Variants in NEAT1 observed in about 807,000 individuals in gnomAD.
The protein encoded by NEAT1 is MENepsilon/beta.
At chr11:65,431,158 T>G (rs985587848) in exon 1 of NEAT1, 2 of 152,232 alleles carry the variant, frequency 1.3e-5, no homozygotes, top group Admixed American at 6.5e-5. Flanking sequence ...TGTGACTGGC[T>G]TATTTCTCTG....
At chr11:65,441,592 T>A (rs1349691135) in exon 1 of NEAT1, 1 of 152,170 alleles carries the variant, frequency 6.6e-6, no homozygotes, top group African/African-American at 2.4e-5. Context: ...AGAGTAGCAT[T>A]TTATATTTTG....
exon 1 of NEAT1, chr11:65,437,852 C>T (rs1321674973): frequency 3.3e-5 from 5 of 152,136 alleles, no homozygotes; most frequent in African/African-American, 4.8e-5. Context: ...GATACTGTCA[C>T]GCCGACAGTG....
At chr11:65,434,749 G>C (rs1361496889) in exon 1 of NEAT1, 2 of 152,186 alleles carry the variant, frequency 1.3e-5, no homozygotes, top group Admixed American at 6.5e-5. Flanking sequence ...TTGCCCTCCA[G>C]AGTGGGTGTC....
At chr11:65,444,169 G>A (rs1856741855) in exon 1 of NEAT1, 1 of 282,814 alleles carries the variant, frequency 3.5e-6, no homozygotes, top group South Asian at 3.0e-5. Flanking sequence ...AAGTGGGGGA[G>A]GGGGCAAAGG....
chr11:65,427,882 G>A (rs1438995246), exon 1 of NEAT1: 1 of 152,216 alleles, frequency 6.6e-6, no homozygotes, highest in East Asian at 1.9e-4. Context: ...CAACTGGCAT[G>A]CTGAAGAAGA....
exon 1 of NEAT1, chr11:65,444,772 A>G (rs1590677414): frequency 6.8e-6 from 2 of 293,214 alleles, no homozygotes; most frequent in South Asian, 5.8e-5. Flanking sequence ...GACAGGAGAA[A>G]GGCTGGTGGG....
At chr11:65,437,195 G>GTATATATATATATATGTATATATA (rs1171212520) in exon 1 of NEAT1, 13 of 129,038 alleles carry the variant, frequency 1.0e-4, no homozygotes, top group African/African-American at 3.9e-4. Flanking sequence ...ATATATATAT[G>GTATATATATATATATGTATATATA]TATATATATA....
chr11:65,427,232 G>A (rs1199826734), exon 1 of NEAT1: 1 of 152,466 alleles, frequency 6.6e-6, no homozygotes, highest in East Asian at 1.9e-4. Flanking sequence ...TTGCTTACAG[G>A]AGACAAACTT....
At chr11:65,437,770 C>T (rs1159789917) in exon 1 of NEAT1, 3 of 152,032 alleles carry the variant, frequency 2.0e-5, no homozygotes, top group East Asian at 3.9e-4. Flanking sequence ...CCTAGCCGAC[C>T]CCACCCCATC....
At position 65,437,481 on chromosome 11, in the gene NEAT1, T is replaced by G. The variant is rs375471486; in HGVS notation, n.14684T>G. Reference sequence around the variant, plus strand: ...CAGCTATTAACTATTGATCTGTCTATTCACGTGCCAGTTCCTAATGGTTTT... The same window carrying G: ...CAGCTATTAACTATTGATCTGTCTAGTCACGTGCCAGTTCCTAATGGTTTT... On this transcript the variant is annotated non_coding_transcript_exon_variant, in exon 1 of 1. Coordinates refer to ENST00000501122, the Ensembl canonical transcript of NEAT1. 3.0e-4 allele frequency: 45 copies of G among 152,194 alleles called. 1 individual carries two copies. The East Asian group carries it at 7.5e-3, about 25-fold the overall frequency. 9.4% of individuals were successfully genotyped at this position (152,194 alleles called of 1,614,324 possible).
At chr11:65,434,151 A>T in exon 1 of NEAT1, 1 of 151,984 alleles carries the variant, frequency 6.6e-6, no homozygotes, top group East Asian at 1.9e-4. Context: ...ACTATACCTC[A>T]GTTAGTTTAT....
exon 1 of NEAT1, chr11:65,429,533 T>TC (rs1357781843): frequency 6.6e-6 from 1 of 151,842 alleles, no homozygotes; most frequent in Non-Finnish European, 1.5e-5. Context: ...ATTTTCTAAT[T>TC]CCTAGTCATT....
chr11:65,426,292 C>T (rs1222402363), exon 1 of NEAT1: 1 of 152,060 alleles, frequency 6.6e-6, no homozygotes, highest in East Asian at 1.9e-4. Context: ...TAACCAATGA[C>T]TTGGGGATGA....
exon 1 of NEAT1, chr11:65,437,216 T>TATAC (rs1565634392): frequency 1.4e-5 from 2 of 142,830 alleles, no homozygotes; most frequent in Non-Finnish European, 3.0e-5. Flanking sequence ...TATATGTATA[T>TATAC]ATATATATAT....
exon 1 of NEAT1, chr11:65,439,573 C>T (rs1012319829): frequency 7.2e-5 from 11 of 151,852 alleles, no homozygotes; most frequent in African/African-American, 2.4e-4. Flanking sequence ...GTAATACCAG[C>T]TTCTCAGGAG....
chr11:65,431,245 ATTC>A (rs1431022314), exon 1 of NEAT1: 2 of 152,120 alleles, frequency 1.3e-5, no homozygotes, highest in Non-Finnish European at 2.9e-5. Flanking sequence ...TCCAAATAAT[ATTC>A]TTATTTTATA....
exon 1 of NEAT1, chr11:65,440,235 T>C (rs1379148010): frequency 2.0e-5 from 3 of 152,098 alleles, no homozygotes; most frequent in Non-Finnish European, 4.4e-5. Context: ...CCATTTGTAT[T>C]AATGGAATAC....
exon 1 of NEAT1, chr11:65,424,748 G>A: frequency 6.6e-6 from 1 of 152,210 alleles, no homozygotes; most frequent in East Asian, 1.9e-4. Context: ...ACTAGGAGAA[G>A]GGAATGGTGG....
At chr11:65,428,345 G>T (rs1202596280) in exon 1 of NEAT1, 1 of 152,178 alleles carries the variant, frequency 6.6e-6, no homozygotes, top group East Asian at 1.9e-4. Context: ...AGAACCGCAG[G>T]AACGGCCTGT....
Sources: gnomAD v4.1 joint callset for allele counts on GRCh38, gnomAD v4.1.1 for gene constraint, MANE v1.5 for transcripts, NCBI Gene and HGNC (gene_info 2026-07-23, HGNC 2026-07-21) for gene names.